Variants in NDUFV3 observed in about 807,000 individuals in gnomAD.
NDUFV3 encodes NADH:ubiquinone oxidoreductase subunit V3.
NDUFV3 carries 44 observed loss-of-function variants against 37.5 expected under a neutral mutation model. The observed-to-expected ratio is 1.17, with a 90% CI of 0.92 to 1.51. The LOEUF is 1.51. Ranked by LOEUF, NDUFV3 falls within the 40% of genes most tolerant of loss-of-function variation. The probability of loss-of-function intolerance (pLI) is 0.00; values close to 1 mark genes in which losing one functional copy is unlikely to be tolerated. For synonymous variants in NDUFV3, 235 were observed against 239.3 expected, an observed-to-expected ratio of 0.98 and a Z score of 0.17; for missense variants, 580 against 580.4, an observed-to-expected ratio of 1.00 and a Z score of 0.01.
intron 3 of NDUFV3, among the ~76,000 whole-genome samples, chr21:42,905,142 C>T (rs932566991): frequency 2.6e-5 from 4 of 152,090 alleles, no homozygotes; most frequent in Admixed American, 6.5e-5. Flanking sequence ...ATTTCTTAAC[C>T]GGTATAATTT....
chr21:42,897,974 T>G (rs971258236), intron 2 of NDUFV3, among the ~76,000 whole-genome samples: 7 of 152,182 alleles, frequency 4.6e-5, no homozygotes, highest in East Asian at 1.9e-4. Context: ...CCGTGCCCAG[T>G]CCTAAATCTT....
chr21:42,901,953 A>G (rs1468770966), intron 2 of NDUFV3, among the ~76,000 whole-genome samples: 14 of 152,248 alleles, frequency 9.2e-5, no homozygotes, highest in African/African-American at 3.4e-4. Context: ...TCACGCCTGT[A>G]ATCCCAGCAC....
rs373439940 is a variant in NDUFV3, at chr21:42,903,894, C to T, written c.882C>T (p.His294=). 6.2e-7 allele frequency: 1 copy of T among 1,611,722 alleles called. No individual in the cohort carries two copies. The highest frequency in any genetic ancestry group is 2.2e-5 in the East Asian group (1 of 44,884). The change falls in exon 3 of 4, where the codon CAC becomes CAT. Residue 294 remains histidine, a synonymous_variant. Coordinates refer to ENST00000354250, the MANE Select transcript of NDUFV3 (RefSeq NM_021075.4). The stretch of plus-strand genomic sequence containing the variant: ...AAGTTAAAGGACCCTTACCTGTCCA[C>T]ACAAAATCAGGGTTGTCTGCGCCAC... The part of the protein sequence containing the change: ...PFEVKGPLPV[H]TKSGLSAPPK...
intron 2 of NDUFV3, among the ~76,000 whole-genome samples, chr21:42,898,305 G>T (rs2058703225): frequency 6.6e-6 from 1 of 151,900 alleles, no homozygotes; most frequent in African/African-American, 2.4e-5. Flanking sequence ...TTTTAAGAGA[G>T]GGGCTCTGGC....
At chr21:42,907,963 G>A (rs1239261316) in intron 3 of NDUFV3, among the ~76,000 whole-genome samples, 2 of 151,832 alleles carry the variant, frequency 1.3e-5, no homozygotes, top group African/African-American at 4.8e-5. Flanking sequence ...ATTGTTCTAG[G>A]CATTTTCAAA....
chr21:42,905,393 A>G (rs1026524730), intron 3 of NDUFV3, among the ~76,000 whole-genome samples: 18 of 152,252 alleles, frequency 1.2e-4, no homozygotes, highest in Admixed American at 7.2e-4. Context: ...AGTGTTGTAC[A>G]GGTCAGCCGC....
intron 3 of NDUFV3, among the ~76,000 whole-genome samples, chr21:42,906,558 C>T (rs924183080): frequency 2.0e-5 from 3 of 152,192 alleles, no homozygotes; most frequent in African/African-American, 4.8e-5. Context: ...TAACACAACT[C>T]GCAGGATAAA....
rs901578675 is a variant in NDUFV3 at position 42,912,242 on chromosome 21, A to G, written c.*3221A>G. The G allele has an allele frequency of 2.6e-5, 4 of 152,198 alleles. No individual in the cohort carries two copies. Among genetic ancestry groups the G allele is most frequent in the East Asian group, 3.9e-4 (2 of 5,194 alleles). The allele number at this position is 152,198 out of a possible 1,614,324, so 9.4% of individuals were successfully genotyped here. The stretch of plus-strand genomic sequence containing the variant: ...GCAACAACAGCAAAACTCCGTCTCA[A>G]AAAAATAAAGTTCTTCCCTTAGAAC... On this transcript the variant is annotated 3_prime_UTR_variant, in exon 4 of 4. Transcript: ENST00000354250.
intron 3 of NDUFV3, among the ~76,000 whole-genome samples, chr21:42,907,448 ATTTTT>A (rs749048453): frequency 2.4e-5 from 3 of 123,332 alleles, no homozygotes; most frequent in Non-Finnish European, 3.3e-5. Flanking sequence ...TGCCCTACTA[ATTTTT>A]TTTTTTTTTT....
At position 42,897,053 on chromosome 21, in the gene NDUFV3, A is replaced by AT; in HGVS notation, c.169+10dup. 4 of 1,613,840 alleles carry AT rather than the reference A, an allele frequency of 2.5e-6. No homozygotes were observed. The highest frequency in any genetic ancestry group is 3.4e-6 in the Non-Finnish European group (4 of 1,179,816). On this transcript the variant is annotated splice_region_variant and intron_variant, in intron 2 of 3. Coordinates refer to ENST00000354250, the MANE Select transcript of NDUFV3 (RefSeq NM_021075.4). ...GAAGCAAAGTCCACCAAAAAGTAAG[A>AT]TTTTGATGGTAGTCATAAGGGAAAG...
intron 2 of NDUFV3, among the ~76,000 whole-genome samples, chr21:42,899,599 C>T (rs1357804759): frequency 6.6e-6 from 1 of 152,196 alleles, no homozygotes. Context: ...TGCCCGCCAC[C>T]AAACCCGGCA....
chr21:42,902,879 T>C (rs916913942), intron 2 of NDUFV3, among the ~76,000 whole-genome samples: 1 of 152,204 alleles, frequency 6.6e-6, no homozygotes, highest in African/African-American at 2.4e-5. Context: ...CTGTATACTT[T>C]AAATCATCTC....
chr21:42,903,557 G>A lies in NDUFV3; in HGVS notation c.545G>A (p.Arg182Lys). 1 of 1,614,046 alleles carries A rather than the reference G, an allele frequency of 6.2e-7. No individual in the cohort carries two copies. Among genetic ancestry groups the A allele is most frequent in the South Asian group, 1.1e-5 (1 of 91,078 alleles). ...ACTCCTCGAGTGGTGAGCAAAGGCA[G>A]AGGGGGGCTTCGAAAACCAGAGGCC... ...EVTPRVVSKG[R>K]GGLRKPEASH... Residue 182 changes from arginine to lysine, a missense_variant, in exon 3 of 4, where the codon AGA becomes AAA. Physicochemically the swap from Arg to Lys is conservative, Grantham distance 26 (BLOSUM62 2). Transcript: ENST00000354250.
rs1414987882 is a variant in NDUFV3 at position 42,893,311 on chromosome 21, T to C, written c.-23T>C. On this transcript the variant is annotated 5_prime_UTR_variant, in exon 1 of 4. Transcript: ENST00000354250. The stretch of plus-strand genomic sequence containing the variant: ...GCGCGCGCAGCTGCTGTGGCCCTGC[T>C]TGGTGCGCCCGCTGTCACCGCCATG... The C allele has an allele frequency of 2.6e-6, 4 of 1,537,166 alleles. No individual in the cohort carries two copies. The highest frequency in any genetic ancestry group is 3.5e-6 in the Non-Finnish European group (4 of 1,146,240).
At chr21:42,896,597 G>T (rs2058692416) in intron 1 of NDUFV3, among the ~76,000 whole-genome samples, 1 of 151,406 alleles carries the variant, frequency 6.6e-6, no homozygotes. Context: ...ACTTCAGGAG[G>T]CCGGGGCTTC....
chr21:42,907,448 ATT>A (rs749048453), intron 3 of NDUFV3, among the ~76,000 whole-genome samples: 31,518 of 123,124 alleles, frequency 0.26, 3,959 homozygotes, highest in Non-Finnish European at 0.31. Flanking sequence ...TGCCCTACTA[ATT>A]TTTTTTTTTT....
Position 42,903,415 on chromosome 21 carries a change from C to G in NDUFV3, c.403C>G (p.Gln135Glu). The G allele has an allele frequency of 6.2e-7, 1 of 1,614,200 alleles. No individual in the cohort carries two copies. The highest frequency in any genetic ancestry group is 1.1e-5 in the South Asian group (1 of 91,086). Residue 135 changes from glutamine to glutamate, a missense_variant, in exon 3 of 4, where the codon CAG becomes GAG. Physicochemically the swap from Gln to Glu is conservative, Grantham distance 29 (BLOSUM62 2). Coordinates refer to ENST00000354250, the MANE Select transcript of NDUFV3 (RefSeq NM_021075.4). ...GAAAGTTCTGTCTCCATTCAGAAAA[C>G]AGGGCTCTGATTCAGAAGCTCGTCA... ...PQKVLSPFRK[Q>E]GSDSEARQVG...
At chr21:42,908,731 G>A in intron 3 of NDUFV3, 133 bp from the exon 4 acceptor site, 1 of 1,006,508 alleles carries the variant, frequency 9.9e-7, no homozygotes, top group South Asian at 1.4e-5. Flanking sequence ...TGTGAGCCAA[G>A]TCATTCATAA....
At chr21:42,898,144 T>G (rs1271230299) in intron 2 of NDUFV3, among the ~76,000 whole-genome samples, 1 of 152,166 alleles carries the variant, frequency 6.6e-6, no homozygotes, top group African/African-American at 2.4e-5. Context: ...ATATTTGTAT[T>G]TATACAAAGA....
Sources: allele counts gnomAD v4.1 joint callset (sites outside exome capture counted in the v4.1 genomes callset), GRCh38; gene constraint gnomAD v4.1.1; transcripts MANE v1.5; gene names NCBI Gene and HGNC (gene_info 2026-07-23, HGNC 2026-07-21).